Variants in PIAS4 observed in about 807,000 individuals in gnomAD.
PIAS4 encodes E3 SUMO-protein ligase PIAS4.
PIAS4 carries 7 observed loss-of-function variants against 58.0 expected under a neutral mutation model. The observed-to-expected ratio is 0.12, with a 90% CI of 0.07 to 0.23. The LOEUF is 0.23. PIAS4 is among the 10% of genes least tolerant of loss of function. PIAS4 has a pLI of 1.00. For synonymous variants in PIAS4, 364 were observed against 312.4 expected, an observed-to-expected ratio of 1.17 and a Z score of -1.74; for missense variants, 550 against 709.5, an observed-to-expected ratio of 0.78 and a Z score of 2.55.
Position 4,028,196 on chromosome 19 carries a change from A to G in PIAS4, c.581+9A>G. On this transcript the variant is annotated intron_variant, in intron 4 of 10. Coordinates refer to ENST00000262971, the MANE Select transcript of PIAS4 (RefSeq NM_015897.4). ...GTGCAGGTCGTCCTGAGGTATGCCC[A>G]GGTGTGCCCGCGACCCCAGGGCTGG... is the stretch of plus-strand genomic sequence containing the variant. 1 of 1,610,264 alleles carries G rather than the reference A, an allele frequency of 6.2e-7. No homozygotes were observed. The highest frequency in any genetic ancestry group is 1.3e-5 in the African/African-American group (1 of 74,940).
At chr19:4,024,217 C>T (rs918542518) in intron 3 of PIAS4, 97 bp downstream of exon 3, 90 of 894,220 alleles carry the variant, frequency 1.0e-4, no homozygotes, top group Middle Eastern at 2.7e-4. Context: ...CCACTGCAGG[C>T]CTCGCTCGGG....
chr19:4,011,327 C>G (rs1416206667), intron 1 of PIAS4, among the ~76,000 whole-genome samples: 1 of 152,224 alleles, frequency 6.6e-6, no homozygotes, highest in Non-Finnish European at 1.5e-5. Context: ...GTGGGTGGCC[C>G]TGAAACCCTG....
At chr19:4,029,057 C>G in intron 7 of PIAS4, 21 bp downstream of exon 7, 1 of 1,550,156 alleles carries the variant, frequency 6.5e-7, no homozygotes, top group Non-Finnish European at 8.8e-7. Context: ...CAGGCCACCT[C>G]GGCCGAGGGG....
chr19:4,010,016 G>T (rs1262883691), intron 1 of PIAS4, among the ~76,000 whole-genome samples: 2 of 152,232 alleles, frequency 1.3e-5, no homozygotes, highest in East Asian at 3.8e-4. Flanking sequence ...CGCAGCTGCT[G>T]TGTCTCGGCT....
At chr19:4,018,101 C>T (rs532775282) in intron 2 of PIAS4, among the ~76,000 whole-genome samples, 3 of 152,358 alleles carry the variant, frequency 2.0e-5, no homozygotes, top group South Asian at 4.1e-4. Flanking sequence ...CGTGAGCCAC[C>T]AGGCCCGGCC....
At chr19:4,032,417 GGAGCCAC>G (rs1449729501) in intron 7 of PIAS4, among the ~76,000 whole-genome samples, 1 of 152,210 alleles carries the variant, frequency 6.6e-6, no homozygotes, top group African/African-American at 2.4e-5. Flanking sequence ...ACCCTGGGAT[GGAGCCAC>G]ATCCCAGAAG....
At chr19:4,010,961 C>T (rs375162169) in intron 1 of PIAS4, among the ~76,000 whole-genome samples, 1 of 152,222 alleles carries the variant, frequency 6.6e-6, no homozygotes, top group South Asian at 2.1e-4. Context: ...GACCCTGGCC[C>T]GATACAGCTG....
Position 4,033,115 on chromosome 19 carries a change from G to T in PIAS4, c.923G>T (p.Arg308Leu). 1.2e-6 allele frequency: 2 copies of T among 1,611,822 alleles called. No individual in the cohort carries two copies. The highest frequency in any genetic ancestry group is 8.5e-7 in the Non-Finnish European group (1 of 1,179,756). Residue 308 changes from arginine to leucine, a missense_variant, in exon 8 of 11, where the codon CGC (arginine) becomes CTC (leucine). This residue lies in a region of PIAS4 where 225 missense variants were observed against 345.8 expected (regional missense o/e 0.65). Transcript: ENST00000262971. ...LCKALVKEKL[R>L]LDPDSEIATT... ...CTCCCCACAGTCAAGGAGAAGCTGC[G>T]CCTTGATCCTGACAGCGAGATCGCC...
chr19:4,018,210 C>T (rs751822972), intron 2 of PIAS4, among the ~76,000 whole-genome samples: 5 of 152,236 alleles, frequency 3.3e-5, no homozygotes, highest in South Asian at 2.1e-4. Flanking sequence ...CAGAGCAGTC[C>T]GGCCGGCGCC....
intron 1 of PIAS4, among the ~76,000 whole-genome samples, chr19:4,011,369 G>A (rs1368799282): frequency 6.6e-6 from 1 of 152,254 alleles, no homozygotes; most frequent in African/African-American, 2.4e-5. Flanking sequence ...CCTGGCTTCT[G>A]CAGCCTGTTG....
Position 4,021,742 on chromosome 19 carries a change from C to CTTT in PIAS4, c.455-2275_455-2273dup, listed in dbSNP as rs776416490. Among the ~76,000 whole-genome samples, 103 of 104,048 alleles carry CTTT rather than the reference C, an allele frequency of 9.9e-4. 1 individual carries two copies. The highest frequency in any genetic ancestry group is 1.4e-3 in the Non-Finnish European group (71 of 50,434). The allele number at this position is 104,048 out of a possible 152,430, so 68.3% of individuals were successfully genotyped here. ...CGATATGGACCTGCATTTTCTTTTT[C>CTTT]TTTTTTTTTTTTTTTTTTTTTGAGA... On this transcript the variant is annotated intron_variant, in intron 2 of 10. Coordinates refer to ENST00000262971, the MANE Select transcript of PIAS4 (RefSeq NM_015897.4).
In PIAS4 at chr19:4,037,701, G is replaced by A. The variant is rs941499910; in HGVS notation, c.1359G>A (p.Val453=). 1.9e-6 allele frequency: 3 copies of A among 1,611,896 alleles called. No individual in the cohort carries two copies. In the Admixed American group the frequency reaches 5.0e-5, roughly 27 times the overall value. The change falls in exon 11 of 11, where the codon GTG becomes GTA. Residue 453 remains valine, a synonymous_variant. Coordinates refer to ENST00000262971, the MANE Select transcript of PIAS4 (RefSeq NM_015897.4). The surrounding 1 kb of genome is among the most constrained non-coding windows in gnomAD (Gnocchi z 5.8). ...ALGSTGGGGP[V]GSMENGKPGA... ...GCAGCACGGGTGGCGGCGGCCCGGT[G>A]GGCAGCATGGAGAATGGGAAGCCGG...
chr19:4,036,047 C>T (rs1286353699), intron 9 of PIAS4, among the ~76,000 whole-genome samples: 5 of 150,212 alleles, frequency 3.3e-5, no homozygotes, highest in Admixed American at 2.6e-4. Context: ...GTCATACACA[C>T]ACACATCTAT....
rs1254534173 is a variant in PIAS4, at chr19:4,033,031, A to G, written c.908-69A>G. Reference sequence around the variant, plus strand: ...GAGGTGGACGTCAGTGCCGGAGAGAACTCGAATCACAGCCCCGCGCCCTGC... The same window carrying G: ...GAGGTGGACGTCAGTGCCGGAGAGAGCTCGAATCACAGCCCCGCGCCCTGC... On this transcript the variant is annotated intron_variant, in intron 7 of 10. Transcript: ENST00000262971. The G allele has an allele frequency of 1.4e-5, 17 of 1,257,148 alleles. No homozygotes were observed. The Admixed American group carries it at 1.7e-4, about 13-fold the overall frequency. 77.9% of individuals were successfully genotyped at this position (1,257,148 alleles called of 1,614,324 possible).
chr19:4,020,224 G>A (rs2040095570), intron 2 of PIAS4, among the ~76,000 whole-genome samples: 1 of 152,118 alleles, frequency 6.6e-6, no homozygotes, highest in African/African-American at 2.4e-5. Context: ...CTTCTCGTGG[G>A]TTTTAATTGA....
In PIAS4 at chr19:4,036,142, C is replaced by T. The variant is rs1245919262; in HGVS notation, c.1143-1232C>T. On this transcript the variant is annotated intron_variant, in intron 9 of 10. Coordinates refer to ENST00000262971, the MANE Select transcript of PIAS4 (RefSeq NM_015897.4). ...TATACAGTCCACACCGTCACACATCCGTACAGTCCACACCGTCATACAAAC... is the reference window on the plus strand; with the variant it reads ...TATACAGTCCACACCGTCACACATCTGTACAGTCCACACCGTCATACAAAC... 1.3e-3 allele frequency among the ~76,000 whole-genome samples: 162 copies of T among 128,512 alleles called. 20 individuals carry two copies. Among genetic ancestry groups the T allele is most frequent in the African/African-American group, 2.3e-3 (92 of 39,454 alleles). 84.3% of individuals were successfully genotyped at this position (128,512 alleles called of 152,430 possible). A position where few individuals can be genotyped will look rare whatever the true frequency, so the allele number is the denominator to read the frequency against.
At chr19:4,021,067 C>T (rs1346594445) in intron 2 of PIAS4, among the ~76,000 whole-genome samples, 1 of 152,234 alleles carries the variant, frequency 6.6e-6, no homozygotes, top group Non-Finnish European at 1.5e-5. Flanking sequence ...TCTGATTGCT[C>T]TACACCTTTG....
chr19:4,036,406 CTGTCACA>C, intron 9 of PIAS4, among the ~76,000 whole-genome samples: 4 of 141,534 alleles, frequency 2.8e-5, no homozygotes, highest in Non-Finnish European at 6.3e-5. Context: ...ACAGTCCACA[CTGTCACA>C]CATCCGTACA....
In PIAS4 at chr19:4,033,032, CTCGAA is replaced by C. The variant is rs1599231576; in HGVS notation, c.908-65_908-61del. On this transcript the variant is annotated intron_variant, in intron 7 of 10. Coordinates refer to ENST00000262971, the MANE Select transcript of PIAS4 (RefSeq NM_015897.4). ...AGGTGGACGTCAGTGCCGGAGAGAA[CTCGAA>C]TCACAGCCCCGCGCCCTGCTGTTCC... 6.2e-6 allele frequency: 8 copies of C among 1,293,750 alleles called. No individual in the cohort carries two copies. The East Asian group carries it at 1.9e-4, about 30-fold the overall frequency. The allele number at this position is 1,293,750 out of a possible 1,614,324, so 80.1% of individuals were successfully genotyped here.
Sources: gnomAD v4.1 joint callset for allele counts (sites outside exome capture counted in the v4.1 genomes callset) on GRCh38, gnomAD v4.1.1 for gene constraint, gnomAD v4.1.1 regional missense constraint, Gnocchi (gnomAD v3.1) non-coding constraint, MANE v1.5 for transcripts, NCBI Gene and HGNC (gene_info 2026-07-23, HGNC 2026-07-21) for gene names.